CELA2B: variants seen among roughly 807,000 people sequenced by gnomAD.
CELA2B encodes the protein chymotrypsin like elastase 2B.
In CELA2B, 27 loss-of-function variants were observed where a neutral mutation model predicts 36.5. The observed-to-expected ratio is 0.74, with a 90% CI of 0.55 to 1.02. CELA2B has a LOEUF of 1.02. CELA2B is among the 50% of genes least tolerant of loss of function. CELA2B has a pLI of 0.00. For missense variants in CELA2B, 340 were observed against 347.8 expected (o/e 0.98, Z 0.18); for synonymous variants, 143 against 148.5 (o/e 0.96, Z 0.27).
intron 6 of CELA2B, among the ~76,000 whole-genome samples, chr1:15,486,464 G>A (rs1420504498): frequency 1.3e-5 from 2 of 152,064 alleles, no homozygotes; most frequent in Non-Finnish European, 2.9e-5. Flanking sequence ...GGGTGACAGA[G>A]TGAAACTCAA....
chr1:15,480,784 C>T (rs1326593874), intron 2 of CELA2B, among the ~76,000 whole-genome samples: 10 of 152,136 alleles, frequency 6.6e-5, no homozygotes, highest in South Asian at 6.2e-4. Flanking sequence ...CCATATCAGA[C>T]GGGGTTTCAC....
intron 1 of CELA2B, 142 bp from the exon 2 acceptor site, chr1:15,476,315 G>A (rs192348387): frequency 1.4e-6 from 2 of 1,404,230 alleles, no homozygotes; most frequent in Admixed American, 4.0e-5. Flanking sequence ...TCAAAGAATT[G>A]GAGCAAACAG....
Position 15,480,408 on chromosome 1 carries a change from G to A in CELA2B, c.130-690G>A, listed in dbSNP as rs371049417. The stretch of plus-strand genomic sequence containing the variant: ...TGGGGTATTTTTCTGTAGAGACGGT[G>A]TATTAATCCGTTCTCACACTGCTAA... On this transcript the variant is annotated intron_variant, in intron 2 of 7. Coordinates refer to ENST00000375910, the MANE Select transcript of CELA2B (RefSeq NM_015849.3). 2.6e-5 allele frequency among the ~76,000 whole-genome samples: 4 copies of A among 152,244 alleles called. No individual in the cohort carries two copies. The South Asian group carries it at 6.2e-4, about 24-fold the overall frequency.
At chr1:15,476,695 A>G in intron 2 of CELA2B, 150 bp downstream of exon 2, 1 of 771,452 alleles carries the variant, frequency 1.3e-6, no homozygotes, top group South Asian at 1.7e-5. Flanking sequence ...AACAAGATAC[A>G]TTTCCAGCTG....
intron 2 of CELA2B, among the ~76,000 whole-genome samples, chr1:15,477,667 T>A (rs1708688835): frequency 6.6e-6 from 1 of 152,160 alleles, no homozygotes; most frequent in Non-Finnish European, 1.5e-5. Flanking sequence ...CTTTTACGAC[T>A]TTTCCCCCCA....
chr1:15,483,773 T>C (rs1193280364), intron 5 of CELA2B, among the ~76,000 whole-genome samples: 1 of 151,880 alleles, frequency 6.6e-6, no homozygotes, highest in African/African-American at 2.4e-5. Flanking sequence ...ACTAAAAATA[T>C]AAAAAACTCG....
chr1:15,491,032 C>T (rs898545415), intron 7 of CELA2B: 19 of 492,242 alleles, frequency 3.9e-5, no homozygotes, highest in South Asian at 1.9e-4. Flanking sequence ...TTAGGGGGTT[C>T]GAAGGCCCCC....
chr1:15,491,102 G>A (rs1254969736), intron 7 of CELA2B, 193 bp from the exon 8 acceptor site: 1 of 650,740 alleles, frequency 1.5e-6, no homozygotes, highest in Non-Finnish European at 2.8e-6. Flanking sequence ...GACCCTAACA[G>A]GTCAATGAAA....
At chr1:15,488,642 C>G (rs1708834461) in intron 7 of CELA2B, among the ~76,000 whole-genome samples, 1 of 152,162 alleles carries the variant, frequency 6.6e-6, no homozygotes, top group Admixed American at 6.5e-5. Context: ...GGCACTAGAG[C>G]AAGAGGGAGT....
intron 7 of CELA2B, among the ~76,000 whole-genome samples, chr1:15,487,802 A>G (rs1448478612): frequency 6.6e-5 from 10 of 152,208 alleles, no homozygotes; most frequent in Admixed American, 6.5e-4. Flanking sequence ...CCAAAACCTG[A>G]TACTTTGAGA....
chr1:15,483,521 A>G (rs977824004), intron 5 of CELA2B, 121 bp downstream of exon 5: 2 of 1,502,392 alleles, frequency 1.3e-6, no homozygotes, highest in Non-Finnish European at 1.8e-6. Context: ...GAGAGACAGG[A>G]TGGCATAGGC....
rs1458658208 is a variant in CELA2B at position 15,476,437 on chromosome 1, G to T, written c.41-20G>T. On this transcript the variant is annotated intron_variant, in intron 1 of 7. Transcript: ENST00000375910. The stretch of plus-strand genomic sequence containing the variant: ...GTGGGTCGCTGCTTCCTGGACTCAA[G>T]ACCCTTTCTCTTTTCACAGCCCTCA... 1.2e-6 allele frequency: 2 copies of T among 1,612,512 alleles called. No individual in the cohort carries two copies. The highest frequency in any genetic ancestry group is 1.7e-6 in the Non-Finnish European group (2 of 1,178,600).
intron 2 of CELA2B, 103 bp downstream of exon 2, chr1:15,476,648 T>A (rs951773287): frequency 5.4e-6 from 6 of 1,116,748 alleles, no homozygotes; most frequent in Non-Finnish European, 8.1e-6. Context: ...AAAGTTAGGA[T>A]TGATGGGATT....
intron 2 of CELA2B, among the ~76,000 whole-genome samples, chr1:15,478,544 A>G (rs948602350): frequency 1.4e-5 from 2 of 140,432 alleles, no homozygotes; most frequent in African/African-American, 5.4e-5. Context: ...CACCCAGCCA[A>G]GAGGAATAAT....
intron 7 of CELA2B, among the ~76,000 whole-genome samples, chr1:15,489,656 G>A (rs1708849756): frequency 6.6e-6 from 1 of 152,300 alleles, no homozygotes; most frequent in Non-Finnish European, 1.5e-5. Flanking sequence ...GAGAAGCAGA[G>A]GAGACAAGTG....
intron 2 of CELA2B, 138 bp downstream of exon 2, chr1:15,476,683 C>A: frequency 1.2e-6 from 1 of 815,512 alleles, no homozygotes; most frequent in African/African-American, 1.7e-5. Flanking sequence ...GGAAACTTCA[C>A]CAACAAGATA....
chr1:15,478,182 G>C (rs976951595), intron 2 of CELA2B, among the ~76,000 whole-genome samples: 3 of 148,496 alleles, frequency 2.0e-5, no homozygotes, highest in Non-Finnish European at 4.4e-5. Flanking sequence ...TGTAATACCA[G>C]CTACTTGGGA....
chr1:15,478,955 G>GAA (rs1445974022), intron 2 of CELA2B, among the ~76,000 whole-genome samples: 9 of 152,188 alleles, frequency 5.9e-5, no homozygotes, highest in African/African-American at 1.9e-4. Context: ...CTGGGACTTG[G>GAA]AAAGGTTACA....
chr1:15,489,196 A>G (rs1253638345), intron 7 of CELA2B, among the ~76,000 whole-genome samples: 1 of 152,138 alleles, frequency 6.6e-6, no homozygotes, highest in Non-Finnish European at 1.5e-5. Flanking sequence ...GACCTGAAGC[A>G]GGGGCAGGGG....
Sources: allele counts gnomAD v4.1 joint callset (sites outside exome capture counted in the v4.1 genomes callset), GRCh38; gene constraint gnomAD v4.1.1; transcripts MANE v1.5; gene names NCBI Gene and HGNC (gene_info 2026-07-23, HGNC 2026-07-21).